The following KIF14 variants were observed in gnomAD, a reference collection of about 807,000 sequenced individuals.
KIF14 encodes kinesin family member 14.
Under a neutral mutation model 176.2 loss-of-function variants are expected in KIF14, and 98 were observed. The ratio of observed to expected loss-of-function variants is 0.56; its 90% CI spans 0.47 to 0.66. KIF14 has a LOEUF of 0.66. KIF14 is among the 30% of genes least tolerant of loss of function. The pLI is 0.00. For synonymous variants in KIF14, 566 were observed against 632.2 expected, an observed-to-expected ratio of 0.90 and a Z score of 1.57; for missense variants, 1,751 against 1,920.4, an observed-to-expected ratio of 0.91 and a Z score of 1.65.
intron 17 of KIF14, 52 bp downstream of exon 17, chr1:200,590,073 C>A (rs1658973853): frequency 6.5e-7 from 1 of 1,545,284 alleles, no homozygotes; most frequent in Admixed American, 2.0e-5. Flanking sequence ...GGCAACACAT[C>A]ACTTGGGGTA....
chr1:200,609,321 G>A (rs1660040517), intron 4 of KIF14, among the ~76,000 whole-genome samples: 1 of 152,078 alleles, frequency 6.6e-6, no homozygotes, highest in Admixed American at 6.6e-5. Flanking sequence ...CGGCCAATGT[G>A]GAAAATAGTT....
At position 200,616,366 on chromosome 1, in the gene KIF14, T is replaced by C. The variant is rs527608726; in HGVS notation, c.1113-757A>G. 3.9e-5 allele frequency among the ~76,000 whole-genome samples: 6 copies of C among 152,296 alleles called. No individual in the cohort carries two copies. The South Asian group carries it at 1.2e-3, about 32-fold the overall frequency. On this transcript the variant is annotated intron_variant, in intron 2 of 29. Transcript: ENST00000367350. Reference sequence around the variant, plus strand: ...GATGAGTTTGGAATCAGGCACTTGGTCCCTTACTAAGTTCAGTATAGTCAT... The same window carrying C: ...GATGAGTTTGGAATCAGGCACTTGGCCCCTTACTAAGTTCAGTATAGTCAT...
At position 200,577,778 on chromosome 1, in the gene KIF14, TTTTGTTTG is replaced by T. The variant is rs146382420; in HGVS notation, c.3466-2095_3466-2088del. Among the ~76,000 whole-genome samples, 675 of 151,468 alleles carry T rather than the reference TTTTGTTTG, an allele frequency of 4.5e-3. 5 individuals are homozygous for T. Among genetic ancestry groups the T allele is most frequent in the African/African-American group, 0.015 (623 of 41,332 alleles). On this transcript the variant is annotated intron_variant, in intron 21 of 29. Transcript: ENST00000367350. The stretch of plus-strand genomic sequence containing the variant: ...GAGCTATCTTTTCAGTTATTGTGGT[TTTTGTTTG>T]TTTGTTTTTAATCAGTTATTCTAGC...
chr1:200,554,353 T>C (rs1571443253), intron 29 of KIF14, 115 bp downstream of exon 29: 1 of 666,764 alleles, frequency 1.5e-6, no homozygotes, highest in East Asian at 3.3e-5. Flanking sequence ...ATCGAGCCAC[T>C]GCACTCCAGC....
chr1:200,601,536 C>A (rs1659624378), intron 11 of KIF14, among the ~76,000 whole-genome samples: 1 of 152,160 alleles, frequency 6.6e-6, no homozygotes, highest in African/African-American at 2.4e-5. Context: ...TAAGCATGAG[C>A]AGAGCTAGTA....
At chr1:200,589,868 G>A (rs1658964106) in intron 17 of KIF14, among the ~76,000 whole-genome samples, 1 of 151,696 alleles carries the variant, frequency 6.6e-6, no homozygotes, top group Non-Finnish European at 1.5e-5. Flanking sequence ...CCCCTGGCTG[G>A]TCTTGAACTC....
intron 23 of KIF14, among the ~76,000 whole-genome samples, chr1:200,568,951 G>T (rs1657625235): frequency 8.2e-6 from 1 of 121,950 alleles, no homozygotes; most frequent in Non-Finnish European, 1.6e-5. Flanking sequence ...TTGAGATGGA[G>T]TTTCACTCTT....
intron 21 of KIF14, among the ~76,000 whole-genome samples, chr1:200,577,388 G>C (rs546043705): frequency 6.6e-6 from 1 of 151,988 alleles, no homozygotes; most frequent in African/African-American, 2.4e-5. Flanking sequence ...GAACTCCTGG[G>C]CTCAAGTGAT....
chr1:200,618,180 C>T lies in KIF14; in HGVS notation c.544G>A (p.Asp182Asn). Residue 182 changes from aspartate (D) to asparagine (N), a missense_variant, in exon 2 of 30, where the codon GAT becomes AAT. Transcript: ENST00000367350. ...NSFVASSVPL[D>N]EDPQVIEMMA... ...ATTTCAATGACCTGTGGATCTTCAT[C>T]TAAAGGTACAGAAGAGGCAACAAAA... 6.2e-7 allele frequency: 1 copy of T among 1,613,948 alleles called. No homozygotes were observed. The highest frequency in any genetic ancestry group is 8.5e-7 in the Non-Finnish European group (1 of 1,179,938).
At chr1:200,587,780 G>A (rs1375383885) in intron 18 of KIF14, among the ~76,000 whole-genome samples, 1 of 152,186 alleles carries the variant, frequency 6.6e-6, no homozygotes, top group Non-Finnish European at 1.5e-5. Context: ...CTGCACTCCA[G>A]CCTGGGCAAC....
In KIF14 at chr1:200,553,697, G is replaced by A. The variant is rs752505929; in HGVS notation, c.4638C>T (p.Tyr1546=). ...AAGTAGAAGGCACACTGAAGTCACTGTAAAAATCACTGGCCAAGTTGCGAA... is the reference window on the plus strand; with the variant it reads ...AAGTAGAAGGCACACTGAAGTCACTATAAAAATCACTGGCCAAGTTGCGAA... ...ESIRNLASDF[Y]SDFSVPSTSV... is the part of the protein sequence containing the mutation. The change falls in exon 30 of 30, where the codon TAC becomes TAT. Residue 1546 remains tyrosine, a synonymous_variant. Transcript: ENST00000367350. 2.0e-5 allele frequency: 33 copies of A among 1,612,994 alleles called. No homozygotes were observed. The highest frequency in any genetic ancestry group is 5.0e-5 in the Admixed American group (3 of 59,966).
Position 200,593,622 on chromosome 1 carries a change from T to A in KIF14, c.2652+45A>T. On this transcript the variant is annotated intron_variant, in intron 15 of 29. Coordinates refer to ENST00000367350, the MANE Select transcript of KIF14 (RefSeq NM_014875.3). Reference sequence around the variant, plus strand: ...GAACTCAAAGAAATTAAATGACTTATCCAAAGTCGAACAGTTTCTTATATT... The same window carrying A: ...GAACTCAAAGAAATTAAATGACTTAACCAAAGTCGAACAGTTTCTTATATT... 3.3e-6 allele frequency: 4 copies of A among 1,197,438 alleles called. No individual in the cohort carries two copies. The South Asian group carries it at 3.7e-5, about 11-fold the overall frequency. The allele number at this position is 1,197,438 out of a possible 1,614,324, so 74.2% of individuals were successfully genotyped here.
At chr1:200,573,794 C>T (rs935487491) in intron 22 of KIF14, among the ~76,000 whole-genome samples, 1 of 152,036 alleles carries the variant, frequency 6.6e-6, no homozygotes, top group Non-Finnish European at 1.5e-5. Flanking sequence ...TAAGCCAAGT[C>T]AAAAACAAGG....
At chr1:200,583,661 G>A (rs1658580100) in intron 19 of KIF14, among the ~76,000 whole-genome samples, 1 of 152,158 alleles carries the variant, frequency 6.6e-6, no homozygotes, top group Non-Finnish European at 1.5e-5. Context: ...CCAGGACTTG[G>A]CTAGGCATGG....
In KIF14 at chr1:200,555,379, C is replaced by T; in HGVS notation, c.4428+1G>A. 1.3e-6 allele frequency: 2 copies of T among 1,546,164 alleles called. No homozygotes were observed. The highest frequency in any genetic ancestry group is 2.3e-5 in the East Asian group (1 of 43,212). ...TAAAATCAATTTAAAGCTTCTCTTA[C>T]AATTTTCGATTCAGCAAAGATGTTT... On this transcript the variant is annotated splice_donor_variant, in intron 28 of 29. Coordinates refer to ENST00000367350, the MANE Select transcript of KIF14 (RefSeq NM_014875.3). LOFTEE classifies it high-confidence loss of function.
Position 200,617,624 on chromosome 1 carries a change from G to C in KIF14, c.1100C>G (p.Pro367Arg). The change falls in exon 2 of 30, where the codon CCT becomes CGT. Residue 367 changes from proline (P) to arginine (R), a missense_variant. By Grantham distance (103) the Pro-to-Arg change is moderately radical. Transcript: ENST00000367350. ...SQVTVAVRVR[P>R]FTKREKIEKA... is the part of the protein sequence containing the mutation. Reference sequence around the variant, plus strand: ...AGGCATCACATACCTCTTGGTGAAAGGTCTTACGCGTACTGCCACTGTCAC... The same window carrying C: ...AGGCATCACATACCTCTTGGTGAAACGTCTTACGCGTACTGCCACTGTCAC... The C allele has an allele frequency of 1.9e-6, 3 of 1,600,402 alleles. No homozygotes were observed. The highest frequency in any genetic ancestry group is 2.6e-6 in the Non-Finnish European group (3 of 1,171,928).
At chr1:200,604,087 G>A in intron 8 of KIF14, 132 bp from the exon 9 acceptor site, 1 of 593,422 alleles carries the variant, frequency 1.7e-6, no homozygotes, top group Non-Finnish European at 3.0e-6. Context: ...TTTTTTTTGA[G>A]ACAGGGTCTC....
intron 14 of KIF14, among the ~76,000 whole-genome samples, chr1:200,595,969 T>C (rs912705960): frequency 1.3e-5 from 2 of 149,592 alleles, no homozygotes; most frequent in African/African-American, 4.9e-5. Context: ...AAAGATTCAT[T>C]ACAGGCCGGT....
At position 200,560,827 on chromosome 1, in the gene KIF14, G is replaced by A; in HGVS notation, c.4125C>T (p.Ile1375=). The change falls in exon 26 of 30, where the codon ATC becomes ATT. Residue 1375 remains isoleucine, a synonymous_variant. Transcript: ENST00000367350. ...ACTTTACAGCTTGTTGTACAATTTG[G>A]ATTGCATTCTTTTGAGCCTCTTTTA... The part of the protein sequence containing the change: ...SMIKEAQKNA[I]QIVQQAVKYV... 6.2e-7 allele frequency: 1 copy of A among 1,613,988 alleles called. No individual in the cohort carries two copies. The highest frequency in any genetic ancestry group is 8.5e-7 in the Non-Finnish European group (1 of 1,179,860).
Sources: allele counts gnomAD v4.1 joint callset (sites outside exome capture counted in the v4.1 genomes callset), GRCh38; gene constraint gnomAD v4.1.1; transcripts MANE v1.5; gene names NCBI Gene and HGNC (gene_info 2026-07-23, HGNC 2026-07-21).